PCDHGA4: variants seen among roughly 807,000 people sequenced by gnomAD.
PCDHGA4 encodes protocadherin gamma subfamily A, 4.
Under a neutral mutation model 54.6 loss-of-function variants are expected in PCDHGA4, and 38 were observed. The ratio of observed to expected loss-of-function variants is 0.70; its 90% CI spans 0.54 to 0.91. The LOEUF (loss-of-function observed/expected upper bound fraction) is 0.91. Ranked by LOEUF, PCDHGA4 falls within the 40% of genes least tolerant of loss-of-function variation. The probability of loss-of-function intolerance (pLI) is 0.00; values close to 1 mark genes in which losing one functional copy is unlikely to be tolerated. For synonymous variants in PCDHGA4, 511 were observed against 512.9 expected (o/e 1.00, Z 0.05); for missense variants, 1,298 against 1,220.9 (o/e 1.06, Z -0.94).
intron 1 of PCDHGA4, chr5:141,389,438 C>A (rs781427097): frequency 6.2e-7 from 1 of 1,610,474 alleles, no homozygotes; most frequent in Non-Finnish European, 8.5e-7. Context: ...AGCGCGCCTT[C>A]GACCACGAGC....
Position 141,361,518 on chromosome 5 carries a change from G to A in PCDHGA4, c.2514+3897G>A, listed in dbSNP as rs537842997. Reference sequence around the variant, plus strand: ...AACAGACTTCCTACATGGTTCACGTGGCAGAGAACAATCCTCCTGGCGCCT... The same window carrying A: ...AACAGACTTCCTACATGGTTCACGTAGCAGAGAACAATCCTCCTGGCGCCT... On this transcript the variant is annotated intron_variant, in intron 1 of 3. Transcript: ENST00000571252. 26 of 1,614,022 alleles carry A rather than the reference G, an allele frequency of 1.6e-5. No homozygotes were observed. The South Asian group carries it at 2.6e-4, about 16-fold the overall frequency.
In PCDHGA4 at chr5:141,431,543, C is replaced by T. The variant is rs1334234544; in HGVS notation, c.2515-63264C>T. The T allele has an allele frequency of 1.9e-6, 3 of 1,614,128 alleles. No individual in the cohort carries two copies. The highest frequency in any genetic ancestry group is 2.5e-6 in the Non-Finnish European group (3 of 1,180,036). ...GAATCTGGCCTTGGGCACGCAGCTGCTTGTAGTCAACGCTACCGACCCTGA... is the reference window on the plus strand; with the variant it reads ...GAATCTGGCCTTGGGCACGCAGCTGTTTGTAGTCAACGCTACCGACCCTGA... On this transcript the variant is annotated intron_variant, in intron 1 of 3. Transcript: ENST00000571252. This position sits in a 1 kb window ranked among gnomAD's most constrained non-coding sequence, Gnocchi z 4.8.
chr5:141,501,290 TACACACACACACACACACAC>T (rs55762287), intron 2 of PCDHGA4, among the ~76,000 whole-genome samples: 1 of 136,162 alleles, frequency 7.3e-6, no homozygotes, highest in Non-Finnish European at 1.6e-5. Flanking sequence ...TATTCCCTTA[TACACACACACACACACACAC>T]ACACACACAC....
Position 141,375,095 on chromosome 5 carries a change from T to C in PCDHGA4, c.2514+17474T>C, listed in dbSNP as rs370381070. 3.0e-4 allele frequency: 491 copies of C among 1,613,960 alleles called. 2 individuals are homozygous for C. In the African/African-American group the frequency reaches 5.9e-3, roughly 19 times the overall value. ...CAGAGCGAAAGTCTTAATAACTATCTTGGATGTCAATGATAATGTACCAGA... is the reference window on the plus strand; with the variant it reads ...CAGAGCGAAAGTCTTAATAACTATCCTGGATGTCAATGATAATGTACCAGA... On this transcript the variant is annotated intron_variant, in intron 1 of 3. Coordinates refer to ENST00000571252, the MANE Select transcript of PCDHGA4 (RefSeq NM_018917.4).
chr5:141,408,096 C>T, intron 1 of PCDHGA4: 5 of 1,434,864 alleles, frequency 3.5e-6, no homozygotes, highest in Non-Finnish European at 4.6e-6. Flanking sequence ...ATTGCCAGCT[C>T]CGAGACCCGG....
rs757568006 is a variant in PCDHGA4 at position 141,389,895 on chromosome 5, C to A, written c.2514+32274C>A. 1.2e-5 allele frequency: 20 copies of A among 1,614,088 alleles called. No homozygotes were observed. In the Middle Eastern group the frequency reaches 2.0e-3, roughly 160 times the overall value. On this transcript the variant is annotated intron_variant, in intron 1 of 3. Coordinates refer to ENST00000571252, the MANE Select transcript of PCDHGA4 (RefSeq NM_018917.4). Reference sequence around the variant, plus strand: ...CGCCGACAGCTTGCAGGAGGTGCTGCCGGATATCACTGACCGCCCCGACCC... The same window carrying A: ...CGCCGACAGCTTGCAGGAGGTGCTGACGGATATCACTGACCGCCCCGACCC...
rs189824439 is a variant in PCDHGA4 at position 141,393,729 on chromosome 5, A to G, written c.2514+36108A>G. ...TACTGGGGAAATATCAATAGCAAAA[A>G]GTCTAGATTATGAAGAATGTTCATT... On this transcript the variant is annotated intron_variant, in intron 1 of 3. Transcript: ENST00000571252. 7.2e-4 allele frequency: 1,163 copies of G among 1,613,856 alleles called. 2 individuals carry two copies. Among genetic ancestry groups the G allele is most frequent in the Non-Finnish European group, 7.9e-4 (934 of 1,179,868 alleles).
At chr5:141,501,319 A>G (rs2099807834) in intron 2 of PCDHGA4, among the ~76,000 whole-genome samples, 1 of 151,710 alleles carries the variant, frequency 6.6e-6, no homozygotes, top group Non-Finnish European at 1.5e-5. Context: ...ACACACACAC[A>G]CACACACACA....
intron 1 of PCDHGA4, chr5:141,389,112 C>G (rs376966829): frequency 1.2e-6 from 2 of 1,613,966 alleles, no homozygotes; most frequent in Non-Finnish European, 1.7e-6. Context: ...TGTTCTAGAC[C>G]GCGAGCAGAA....
chr5:141,494,924 TGGGAGGAGATGGGGGAG>T, intron 2 of PCDHGA4, 59 bp downstream of exon 2: 1 of 1,613,498 alleles, frequency 6.2e-7, no homozygotes, highest in Admixed American at 1.7e-5. Flanking sequence ...AGGGATGACG[TGGGAGGAGATGGGGGAG>T]GGCCCAGCAT....
chr5:141,457,480 G>A lies in PCDHGA4; in HGVS notation c.2515-37327G>A, dbSNP rs566798464. ...GATTCACAGGAATAAGCAGGGCCAGGGTTAGTCTAAAATGTAGGCAAAAAG... is the reference window on the plus strand; with the variant it reads ...GATTCACAGGAATAAGCAGGGCCAGAGTTAGTCTAAAATGTAGGCAAAAAG... On this transcript the variant is annotated intron_variant, in intron 1 of 3. Transcript: ENST00000571252. 2.0e-5 allele frequency among the ~76,000 whole-genome samples: 3 copies of A among 152,266 alleles called. No individual in the cohort carries two copies. In the South Asian group the frequency reaches 6.2e-4, roughly 32 times the overall value.
rs1375469711 is a variant in PCDHGA4 at position 141,512,102 on chromosome 5, C to G, written c.*929C>G. On this transcript the variant is annotated 3_prime_UTR_variant, in exon 4 of 4. Coordinates refer to ENST00000571252, the MANE Select transcript of PCDHGA4 (RefSeq NM_018917.4). Reference sequence around the variant, plus strand: ...GCCATAAACCAATAACTAGGCTGGACCCTTCCCACTACATAATAGGGCTCA... The same window carrying G: ...GCCATAAACCAATAACTAGGCTGGAGCCTTCCCACTACATAATAGGGCTCA... The G allele has an allele frequency of 6.5e-6, 1 of 152,806 alleles. No individual in the cohort carries two copies. The highest frequency in any genetic ancestry group is 1.9e-4 in the East Asian group (1 of 5,182). The allele number at this position is 152,806 out of a possible 1,614,324, so 9.5% of individuals were successfully genotyped here. A position where few individuals can be genotyped will look rare whatever the true frequency, so the allele number is the denominator to read the frequency against.
intron 1 of PCDHGA4, chr5:141,408,432 T>C (rs370073451): frequency 3.1e-6 from 5 of 1,613,972 alleles, no homozygotes; most frequent in Non-Finnish European, 4.2e-6. Flanking sequence ...CACTTCAGCG[T>C]AGACGCGGAG....
At chr5:141,433,612 G>A (rs1181458593) in intron 1 of PCDHGA4, among the ~76,000 whole-genome samples, 1 of 152,082 alleles carries the variant, frequency 6.6e-6, no homozygotes, top group Non-Finnish European at 1.5e-5. Context: ...GAGGCGGGTG[G>A]ATCACCTGAG....
At chr5:141,361,293 G>C (rs1406252392) in intron 1 of PCDHGA4, 2 of 1,613,900 alleles carry the variant, frequency 1.2e-6, no homozygotes, top group African/African-American at 2.7e-5. Flanking sequence ...ACTGCCAAGT[G>C]TTGGGAAATG....
intron 1 of PCDHGA4, chr5:141,371,619 G>A (rs780564010): frequency 1.5e-5 from 25 of 1,613,894 alleles, no homozygotes; most frequent in Non-Finnish European, 2.1e-5. Flanking sequence ...GACAGATGGA[G>A]CCCTGGACCG....
intron 1 of PCDHGA4, chr5:141,403,291 A>T: frequency 6.2e-7 from 1 of 1,613,918 alleles, no homozygotes; most frequent in Non-Finnish European, 8.5e-7. Flanking sequence ...TTGAAGACAG[A>T]GTGAAACTGT....
chr5:141,399,349 C>A (rs1467940246), intron 1 of PCDHGA4: 15 of 1,613,814 alleles, frequency 9.3e-6, no homozygotes, highest in African/African-American at 1.3e-5. Flanking sequence ...AACCCTAGAC[C>A]GAGAGCAAAC....
chr5:141,400,528 A>G, intron 1 of PCDHGA4: 2 of 1,613,868 alleles, frequency 1.2e-6, no homozygotes, highest in South Asian at 2.2e-5. Flanking sequence ...TGAGTTGGTG[A>G]GTTTCATTTA....
Sources: gnomAD v4.1 joint callset for allele counts (sites outside exome capture counted in the v4.1 genomes callset) on GRCh38, gnomAD v4.1.1 for gene constraint, Gnocchi (gnomAD v3.1) non-coding constraint, MANE v1.5 for transcripts, NCBI Gene and HGNC (gene_info 2026-07-23, HGNC 2026-07-21) for gene names.